The following ZYG11A variants were observed in gnomAD, a reference collection of about 807,000 sequenced individuals.
ZYG11A encodes the protein protein zyg-11 homolog A.
ZYG11A carries 62 observed loss-of-function variants against 77.2 expected under a neutral mutation model. The ratio of observed to expected loss-of-function variants is 0.80; its 90% confidence interval spans 0.65 to 0.99. The LOEUF is 0.99. Among genes scored for constraint, ZYG11A ranks in the 50% least tolerant of loss-of-function variants. ZYG11A has a pLI of 0.00. For missense variants in ZYG11A, 828 were observed against 896.8 expected (o/e 0.92, Z 0.98); for synonymous variants, 315 against 324.6 (o/e 0.97, Z 0.32).
intron 11 of ZYG11A, among the ~76,000 whole-genome samples, chr1:52,881,998 G>T (rs1460171905): frequency 6.6e-6 from 1 of 151,604 alleles, no homozygotes; most frequent in African/African-American, 2.4e-5. Flanking sequence ...AGGCTTAGGT[G>T]GTCCTCCCAC....
intron 1 of ZYG11A, among the ~76,000 whole-genome samples, chr1:52,852,508 A>G (rs917153048): frequency 2.7e-5 from 4 of 150,412 alleles, no homozygotes; most frequent in Non-Finnish European, 5.9e-5. Context: ...GGGACTATAG[A>G]TAGGCATGTG....
rs192251589 is a variant in ZYG11A at position 52,893,851 on chromosome 1, G to A, written c.*894G>A. ...TTTTGTGACGGAATCTCGCTCTGTC[G>A]CCCAGGCTGGAGTGCAGTGGCACAA... On this transcript the variant is annotated 3_prime_UTR_variant, in exon 14 of 14. Transcript: ENST00000371528. 2.6e-5 allele frequency: 3 copies of A among 115,684 alleles called. No individual in the cohort carries two copies. The highest frequency in any genetic ancestry group is 3.4e-5 in the African/African-American group (1 of 29,182). 7.2% of individuals were successfully genotyped at this position (115,684 alleles called of 1,614,324 possible).
chr1:52,868,928 T>G (rs912068685), intron 8 of ZYG11A, among the ~76,000 whole-genome samples: 1 of 152,170 alleles, frequency 6.6e-6, no homozygotes, highest in African/African-American at 2.4e-5. Flanking sequence ...CTCTGCTTCC[T>G]GGGTTCAAGC....
chr1:52,883,917 TC>T, intron 11 of ZYG11A, among the ~76,000 whole-genome samples: 1 of 149,366 alleles, frequency 6.7e-6, no homozygotes, highest in Non-Finnish European at 1.5e-5. Context: ...GCTTGCTCTG[TC>T]ACCCAGGCTG....
rs181013975 is a variant in ZYG11A at position 52,860,690 on chromosome 1, T to C, written c.1009-41T>C. On this transcript the variant is annotated intron_variant, in intron 3 of 13. Transcript: ENST00000371528. Reference sequence around the variant, plus strand: ...TGGTTAAAAATGAATGGTGAAAAAATATGAATGGTGAAACCTGTTTGGTAA... The same window carrying C: ...TGGTTAAAAATGAATGGTGAAAAAACATGAATGGTGAAACCTGTTTGGTAA... The C allele has an allele frequency of 7.1e-6, 11 of 1,542,726 alleles. No individual in the cohort carries two copies. In the East Asian group the frequency reaches 2.7e-4, roughly 38 times the overall value.
intron 2 of ZYG11A, among the ~76,000 whole-genome samples, chr1:52,855,863 A>T (rs1645800314): frequency 6.6e-6 from 1 of 152,258 alleles, no homozygotes; most frequent in African/African-American, 2.4e-5. Context: ...ATATGCTACC[A>T]TAAAGATATG....
chr1:52,876,869 C>G (rs147925160), intron 8 of ZYG11A, among the ~76,000 whole-genome samples: 1 of 152,244 alleles, frequency 6.6e-6, no homozygotes, highest in East Asian at 1.9e-4. Flanking sequence ...AAGTGAAAAT[C>G]GTTTTGTCTT....
Position 52,892,980 on chromosome 1 carries a change from G to A in ZYG11A, c.*23G>A. On this transcript the variant is annotated 3_prime_UTR_variant, in exon 14 of 14. Coordinates refer to ENST00000371528, the MANE Select transcript of ZYG11A (RefSeq NM_001004339.3). ...TGAACCTAAGGAATTTCAGAGGTGT[G>A]TGCTCTTCCTCAATGTCAGGTGTTC... is the stretch of plus-strand genomic sequence containing the variant. 1 of 1,544,196 alleles carries A rather than the reference G, an allele frequency of 6.5e-7. No homozygotes were observed. Among genetic ancestry groups the A allele is most frequent in the Non-Finnish European group, 8.8e-7 (1 of 1,141,940 alleles).
At chr1:52,892,111 G>GGATGGT (rs1218624604) in intron 13 of ZYG11A, among the ~76,000 whole-genome samples, 1 of 149,332 alleles carries the variant, frequency 6.7e-6, no homozygotes, top group Non-Finnish European at 1.5e-5. Context: ...GTGTTAGCCA[G>GGATGGT]GATGGTCTCG....
chr1:52,848,192 G>A (rs530101017), intron 1 of ZYG11A, among the ~76,000 whole-genome samples: 4 of 152,070 alleles, frequency 2.6e-5, no homozygotes, highest in South Asian at 4.2e-4. Flanking sequence ...TAGTAGAGAC[G>A]GGGTTTCACC....
chr1:52,874,472 G>A (rs1387576676), intron 8 of ZYG11A, among the ~76,000 whole-genome samples: 1 of 151,726 alleles, frequency 6.6e-6, no homozygotes, highest in Non-Finnish European at 1.5e-5. Flanking sequence ...GGTTGGTCTC[G>A]AGCTCCTGGG....
intron 10 of ZYG11A, among the ~76,000 whole-genome samples, chr1:52,878,399 C>T (rs1646299895): frequency 6.6e-6 from 1 of 152,172 alleles, no homozygotes; most frequent in African/African-American, 2.4e-5. Context: ...CTCCACATGG[C>T]AATCTCTAGA....
Position 52,864,888 on chromosome 1 carries a change from T to G in ZYG11A, c.1326+731T>G, listed in dbSNP as rs180779621. Among the ~76,000 whole-genome samples, 724 of 151,296 alleles carry G rather than the reference T, an allele frequency of 4.8e-3. 3 individuals are homozygous for G. The highest frequency in any genetic ancestry group is 4.9e-3 in the Non-Finnish European group (336 of 67,888). On this transcript the variant is annotated intron_variant, in intron 5 of 13. Coordinates refer to ENST00000371528, the MANE Select transcript of ZYG11A (RefSeq NM_001004339.3). ...GGATGGTCTCGATCTCCTGACCTCATGATCTGCCCACCTTGGTGTCCCAAA... is the reference window on the plus strand; with the variant it reads ...GGATGGTCTCGATCTCCTGACCTCAGGATCTGCCCACCTTGGTGTCCCAAA...
chr1:52,847,932 C>A (rs903575885), intron 1 of ZYG11A, among the ~76,000 whole-genome samples: 3 of 151,748 alleles, frequency 2.0e-5, no homozygotes, highest in African/African-American at 7.3e-5. Context: ...TGCAGTGGCG[C>A]GATCTCAGCT....
chr1:52,854,377 C>A, intron 1 of ZYG11A, 88 bp from the exon 2 acceptor site: 1 of 1,214,644 alleles, frequency 8.2e-7, no homozygotes, highest in Non-Finnish European at 1.1e-6. Flanking sequence ...ATACTCTCAT[C>A]AAGTGGAATA....
At chr1:52,854,714 T>G in intron 2 of ZYG11A, 84 bp downstream of exon 2, 2 of 1,266,436 alleles carry the variant, frequency 1.6e-6, no homozygotes, top group South Asian at 2.0e-5. Context: ...CTATTGTGAT[T>G]CTCACAAAGT....
rs1646052352 is a variant in ZYG11A, at chr1:52,867,714, T to G, written c.1492-13T>G. 1.3e-6 allele frequency: 2 copies of G among 1,551,488 alleles called. No homozygotes were observed. Among genetic ancestry groups the G allele is most frequent in the Non-Finnish European group, 1.7e-6 (2 of 1,146,934 alleles). ...GTTCCATAGTTCACTTGAGCCTTTCTGTTTGCTTATAGCTCTCACCTGAGC... is the reference window on the plus strand; with the variant it reads ...GTTCCATAGTTCACTTGAGCCTTTCGGTTTGCTTATAGCTCTCACCTGAGC... On this transcript the variant is annotated splice_polypyrimidine_tract_variant and intron_variant, in intron 7 of 13. Coordinates refer to ENST00000371528, the MANE Select transcript of ZYG11A (RefSeq NM_001004339.3).
intron 13 of ZYG11A, among the ~76,000 whole-genome samples, chr1:52,892,435 G>A (rs1001246221): frequency 1.3e-5 from 2 of 151,604 alleles, no homozygotes; most frequent in African/African-American, 4.8e-5. Context: ...GGCGGAGGCA[G>A]GAGAATTGCT....
chr1:52,846,544 G>T (rs1470451546), intron 1 of ZYG11A, among the ~76,000 whole-genome samples: 1 of 151,178 alleles, frequency 6.6e-6, no homozygotes, highest in East Asian at 2.0e-4. Flanking sequence ...GTAGAGATGG[G>T]GTTTCACTAT....
Sources: allele counts gnomAD v4.1 joint callset (sites outside exome capture counted in the v4.1 genomes callset), GRCh38; gene constraint gnomAD v4.1.1; transcripts MANE v1.5; gene names NCBI Gene and HGNC (gene_info 2026-07-23, HGNC 2026-07-21).